ZNF804B: variants seen among roughly 807,000 people sequenced by gnomAD.
ZNF804B encodes the protein zinc finger 804B.
Under a neutral mutation model 101.4 loss-of-function variants are expected in ZNF804B, and 80 were observed. The ratio of observed to expected loss-of-function variants is 0.79; its 90% CI spans 0.66 to 0.95. The LOEUF (loss-of-function observed/expected upper bound fraction) is 0.95, where lower values mean the gene tolerates loss of function less well. ZNF804B is among the 40% of genes least tolerant of loss of function. ZNF804B has a pLI of 0.00. For synonymous variants in ZNF804B, 622 were observed against 558.8 expected (o/e 1.11, Z -1.59); for missense variants, 1,673 against 1,561.9 (o/e 1.07, Z -1.20).
At chr7:89,021,158 T>C (rs1788660746) in intron 1 of ZNF804B, among the ~76,000 whole-genome samples, 1 of 152,208 alleles carries the variant, frequency 6.6e-6, no homozygotes. Context: ...ATCAGTTGAA[T>C]GAGGTGCACG....
chr7:89,142,755 T>C (rs1401066451), intron 1 of ZNF804B, among the ~76,000 whole-genome samples: 2 of 152,064 alleles, frequency 1.3e-5, no homozygotes. Context: ...TTTTTTGTGC[T>C]ATTAATTCTT....
chr7:89,036,767 A>ATTGATTTGGAGGGACTCCTACT (rs1334079948), intron 1 of ZNF804B, among the ~76,000 whole-genome samples: 1 of 152,090 alleles, frequency 6.6e-6, no homozygotes, highest in Non-Finnish European at 1.5e-5. Context: ...GTCCCTTCCA[A>ATTGATTTGGAGGGACTCCTACT]TCACTAGGAG....
intron 2 of ZNF804B, among the ~76,000 whole-genome samples, chr7:89,296,276 CTATT>C (rs1382649395): frequency 6.6e-6 from 1 of 152,030 alleles, no homozygotes; most frequent in Non-Finnish European, 1.5e-5. Context: ...AAATCTCTAT[CTATT>C]GATGATTCTT....
intron 1 of ZNF804B, among the ~76,000 whole-genome samples, chr7:89,113,586 A>G (rs1371689857): frequency 6.6e-6 from 1 of 152,190 alleles, no homozygotes; most frequent in Admixed American, 6.5e-5. Context: ...CATTGCCATC[A>G]GTCTCATTAT....
chr7:89,013,024 A>G (rs1584072108), intron 1 of ZNF804B, among the ~76,000 whole-genome samples: 1 of 152,284 alleles, frequency 6.6e-6, no homozygotes, highest in African/African-American at 2.4e-5. Context: ...GAAATGCCAG[A>G]CACTTATAAA....
intron 2 of ZNF804B, among the ~76,000 whole-genome samples, chr7:89,231,076 T>G (rs894923940): frequency 1.3e-5 from 2 of 152,060 alleles, no homozygotes; most frequent in African/African-American, 4.8e-5. Context: ...TTTTATAATT[T>G]TAGTTTCCTA....
intron 1 of ZNF804B, among the ~76,000 whole-genome samples, chr7:88,865,056 C>T (rs1280269161): frequency 6.6e-6 from 1 of 151,362 alleles, no homozygotes; most frequent in East Asian, 1.9e-4. Context: ...TAGAGAAACC[C>T]CGTCTCTACT....
At chr7:88,824,177 G>A (rs922586457) in intron 1 of ZNF804B, among the ~76,000 whole-genome samples, 5 of 152,158 alleles carry the variant, frequency 3.3e-5, no homozygotes, top group Admixed American at 3.3e-4. Flanking sequence ...TTTGGTATAT[G>A]AGGGTGATAT....
chr7:89,137,605 C>A (rs1370886155), intron 1 of ZNF804B, among the ~76,000 whole-genome samples: 5 of 152,066 alleles, frequency 3.3e-5, no homozygotes, highest in African/African-American at 1.2e-4. Flanking sequence ...TAAGAGGTGA[C>A]TTGGGTGCTG....
intron 2 of ZNF804B, among the ~76,000 whole-genome samples, chr7:89,267,304 T>C (rs1789812351): frequency 6.6e-6 from 1 of 152,190 alleles, no homozygotes; most frequent in South Asian, 2.1e-4. Flanking sequence ...TTGTATATTC[T>C]ACACCTTTTA....
At chr7:88,795,028 A>C (rs1334031056) in intron 1 of ZNF804B, 3 of 1,131,832 alleles carry the variant, frequency 2.7e-6, no homozygotes, top group Admixed American at 2.9e-5. Context: ...TTACTGATGA[A>C]CTCGTGTTTT....
At chr7:88,864,965 A>T (rs1379352142) in intron 1 of ZNF804B, among the ~76,000 whole-genome samples, 3 of 152,314 alleles carry the variant, frequency 2.0e-5, no homozygotes, top group African/African-American at 7.2e-5. Context: ...ACAGTGGCTC[A>T]TGCCTGTAAT....
At chr7:89,054,387 A>T (rs1170696373) in intron 1 of ZNF804B, among the ~76,000 whole-genome samples, 1 of 150,774 alleles carries the variant, frequency 6.6e-6, no homozygotes, top group Non-Finnish European at 1.5e-5. Flanking sequence ...TGGAGAGAAA[A>T]AAAACAGACA....
intron 1 of ZNF804B, among the ~76,000 whole-genome samples, chr7:88,841,912 C>T (rs1026372278): frequency 1.8e-4 from 28 of 152,088 alleles, no homozygotes; most frequent in Non-Finnish European, 2.9e-5. Context: ...ATCAAACACT[C>T]GTGTAATACA....
chr7:89,302,570 G>T (rs1790493113), intron 2 of ZNF804B, among the ~76,000 whole-genome samples: 1 of 151,774 alleles, frequency 6.6e-6, no homozygotes, highest in African/African-American at 2.4e-5. Flanking sequence ...AAGGAGAGAT[G>T]GGAGACCATG....
At chr7:89,284,489 G>T (rs927524906) in intron 2 of ZNF804B, among the ~76,000 whole-genome samples, 1 of 152,168 alleles carries the variant, frequency 6.6e-6, no homozygotes, top group Non-Finnish European at 1.5e-5. Context: ...CAGCGTGGTT[G>T]CCCACTATTT....
intron 1 of ZNF804B, among the ~76,000 whole-genome samples, chr7:88,984,413 C>T (rs1793732533): frequency 6.6e-6 from 1 of 151,966 alleles, no homozygotes; most frequent in South Asian, 2.1e-4. Context: ...TACTTAGACT[C>T]TTGCCAACTC....
intron 1 of ZNF804B, among the ~76,000 whole-genome samples, chr7:88,844,985 C>T (rs1791347444): frequency 6.6e-6 from 1 of 152,180 alleles, no homozygotes; most frequent in Admixed American, 6.5e-5. Flanking sequence ...GCAAAACCAT[C>T]ATAGAAATCC....
chr7:88,937,656 T>G (rs1465354212), intron 1 of ZNF804B, among the ~76,000 whole-genome samples: 1 of 150,984 alleles, frequency 6.6e-6, no homozygotes, highest in Non-Finnish European at 1.5e-5. Context: ...TCTAATTTCT[T>G]GTAAGATATC....
Sources: gnomAD v4.1 joint callset for allele counts (sites outside exome capture counted in the v4.1 genomes callset) on GRCh38, gnomAD v4.1.1 for gene constraint, MANE v1.5 for transcripts, NCBI Gene and HGNC (gene_info 2026-07-23, HGNC 2026-07-21) for gene names.